The following GRHL1 variants were observed in gnomAD, a reference collection of about 807,000 sequenced individuals.
GRHL1 encodes grainyhead like transcription factor 1, also known as grainyhead-like protein 1 homolog.
GRHL1 carries 38 observed loss-of-function variants against 75.7 expected under a neutral mutation model. The observed-to-expected ratio is 0.50, with a 90% confidence interval of 0.39 to 0.66. GRHL1 has a LOEUF of 0.66. Ranked by LOEUF, GRHL1 falls within the 30% of genes least tolerant of loss-of-function variation. The probability of loss-of-function intolerance (pLI) is 0.00; values close to 1 mark genes in which losing one functional copy is unlikely to be tolerated. For missense variants in GRHL1, 589 were observed against 767.5 expected (o/e 0.77, Z 2.75); for synonymous variants, 266 against 279.4 (o/e 0.95, Z 0.48).
chr2:9,974,792 G>A (rs1667879866), intron 8 of GRHL1, among the ~76,000 whole-genome samples: 1 of 152,202 alleles, frequency 6.6e-6, no homozygotes, highest in Admixed American at 6.5e-5. Context: ...TTCATTGAGC[G>A]AATTGTTCGT....
In GRHL1 at chr2:10,001,270, T is replaced by G. The variant is rs981878966; in HGVS notation, c.*563T>G. 3 of 152,668 alleles carry G rather than the reference T, an allele frequency of 2.0e-5. No individual in the cohort carries two copies. Among genetic ancestry groups the G allele is most frequent in the Non-Finnish European group, 4.4e-5 (3 of 68,058 alleles). 9.5% of individuals were successfully genotyped at this position (152,668 alleles called of 1,614,324 possible). ...CAGGGCATGTTACTGAAATCTTCCT[T>G]TGCGACTTTCTCGGACATATCAACT... On this transcript the variant is annotated 3_prime_UTR_variant, in exon 16 of 16. Transcript: ENST00000324907.
chr2:9,952,824 C>G (rs1263460653), intron 1 of GRHL1: 1 of 293,462 alleles, frequency 3.4e-6, no homozygotes. Flanking sequence ...TGTGAAGGAT[C>G]GGTTTTTGTC....
At chr2:9,959,005 T>C in intron 3 of GRHL1, 149 bp downstream of exon 3, 2 of 1,234,942 alleles carry the variant, frequency 1.6e-6, no homozygotes, top group Non-Finnish European at 2.1e-6. Context: ...ATTTCATCAC[T>C]GATTTGCCTC....
In GRHL1 at chr2:10,001,915, C is replaced by G. The variant is rs904177249; in HGVS notation, c.*1208C>G. The stretch of plus-strand genomic sequence containing the variant: ...TTGATTATCTTGTATGTTAACAATT[C>G]TAGAAAACATTCATGAATTCACAAA... On this transcript the variant is annotated 3_prime_UTR_variant, in exon 16 of 16. Transcript: ENST00000324907. 2 of 152,508 alleles carry G rather than the reference C, an allele frequency of 1.3e-5. No individual in the cohort carries two copies. Among genetic ancestry groups the G allele is most frequent in the African/African-American group, 4.8e-5 (2 of 41,418 alleles). The allele number at this position is 152,508 out of a possible 1,614,324, so 9.4% of individuals were successfully genotyped here.
intron 8 of GRHL1, among the ~76,000 whole-genome samples, chr2:9,984,703 C>T (rs1336472173): frequency 6.6e-6 from 1 of 152,266 alleles, no homozygotes; most frequent in East Asian, 1.9e-4. Context: ...TGCTCAGGCA[C>T]ATGCTAGCAG....
chr2:9,954,586 T>C lies in GRHL1; in HGVS notation c.21-329T>C, dbSNP rs138627901. 3.0e-3 allele frequency among the ~76,000 whole-genome samples: 457 copies of C among 152,314 alleles called. 1 individual carries two copies. Among genetic ancestry groups the C allele is most frequent in the Middle Eastern group, 0.017 (5 of 294 alleles). ...AACAAGTATTCTCTTTTCTTTACTGTGTCCTTGTGTTTGTTTATGGAAAGT... is the reference window on the plus strand; with the variant it reads ...AACAAGTATTCTCTTTTCTTTACTGCGTCCTTGTGTTTGTTTATGGAAAGT... On this transcript the variant is annotated intron_variant, in intron 1 of 15. Coordinates refer to ENST00000324907, the MANE Select transcript of GRHL1 (RefSeq NM_198182.3).
chr2:9,965,384 G>A lies in GRHL1; in HGVS notation c.1110+3G>A. ...GGGACATCAACGATGAAGCAAAGGT[G>A]GGTGGTGAGGTCTGGGCGCCTTATG... is the stretch of plus-strand genomic sequence containing the variant. On this transcript the variant is annotated splice_donor_region_variant and intron_variant, in intron 8 of 15. Transcript: ENST00000324907. 1 of 1,561,660 alleles carries A rather than the reference G, an allele frequency of 6.4e-7. No individual in the cohort carries two copies. The highest frequency in any genetic ancestry group is 2.2e-5 in the East Asian group (1 of 44,616).
At chr2:9,970,776 A>G (rs1298846611) in intron 8 of GRHL1, among the ~76,000 whole-genome samples, 3 of 152,216 alleles carry the variant, frequency 2.0e-5, no homozygotes, top group African/African-American at 4.8e-5. Flanking sequence ...TCTATCAGCT[A>G]TAAGAAGGAA....
chr2:9,991,258 T>C (rs1284505683), intron 10 of GRHL1, among the ~76,000 whole-genome samples: 1 of 152,180 alleles, frequency 6.6e-6, no homozygotes, highest in African/African-American at 2.4e-5. Flanking sequence ...TGACCAGTAT[T>C]CATATTCACA....
intron 2 of GRHL1, among the ~76,000 whole-genome samples, chr2:9,958,174 C>CTTTTTT (rs61051898): frequency 7.6e-6 from 1 of 130,762 alleles, no homozygotes. Context: ...TTCTTTTTTT[C>CTTTTTT]TTTTTTTTTT....
At chr2:9,977,947 T>TGGCGGAA (rs1668019404) in intron 8 of GRHL1, among the ~76,000 whole-genome samples, 1 of 152,288 alleles carries the variant, frequency 6.6e-6, no homozygotes, top group East Asian at 1.9e-4. Context: ...CTCAAAATCA[T>TGGCGGAA]GGCGGAAGGC....
intron 7 of GRHL1, chr2:9,965,055 C>A: frequency 4.8e-6 from 2 of 414,638 alleles, no homozygotes; most frequent in East Asian, 3.6e-5. Context: ...ACTTAAATTT[C>A]CTAATTGTGA....
At chr2:9,998,872 A>ATATG (rs1669128162) in intron 14 of GRHL1, 93 bp from the exon 15 acceptor site, 1 of 219,368 alleles carries the variant, frequency 4.6e-6, no homozygotes, top group Non-Finnish European at 7.6e-6. Context: ...ACGTATATAT[A>ATATG]TGTACACATA....
At chr2:9,974,086 C>G (rs1446503779) in intron 8 of GRHL1, among the ~76,000 whole-genome samples, 2 of 152,264 alleles carry the variant, frequency 1.3e-5, no homozygotes, top group African/African-American at 4.8e-5. Context: ...TTCTCTGGCT[C>G]TCTATCCGTC....
In GRHL1 at chr2:9,990,739, A is replaced by G; in HGVS notation, c.1313A>G (p.Lys438Arg). 6.2e-7 allele frequency: 1 copy of G among 1,612,340 alleles called. No homozygotes were observed. The highest frequency in any genetic ancestry group is 8.5e-7 in the Non-Finnish European group (1 of 1,178,768). Reference sequence around the variant, plus strand: ...AGGGATGAAGAACGAAAGCAAAGCAAAAGAAAAGGCAAGTGTCCTGACCCC... The same window carrying G: ...AGGGATGAAGAACGAAAGCAAAGCAGAAGAAAAGGCAAGTGTCCTGACCCC... ...KIRDEERKQS[K>R]RKVSDVKVPL... Residue 438 changes from lysine to arginine, a missense_variant, in exon 10 of 16, where the codon AAA (lysine) becomes AGA (arginine). Coordinates refer to ENST00000324907, the MANE Select transcript of GRHL1 (RefSeq NM_198182.3). This position sits in a 1 kb window ranked among gnomAD's most constrained non-coding sequence, Gnocchi z 4.2.
intron 8 of GRHL1, among the ~76,000 whole-genome samples, chr2:9,979,169 G>GAAAAAAAAAAAAA (rs1313941842): frequency 4.3e-4 from 32 of 74,808 alleles, no homozygotes; most frequent in African/African-American, 1.1e-3. Flanking sequence ...AAAAAAAAAG[G>GAAAAAAAAAAAAA]AAACCTTATC....
chr2:9,969,922 A>C (rs1667653330), intron 8 of GRHL1, among the ~76,000 whole-genome samples: 1 of 146,278 alleles, frequency 6.8e-6, no homozygotes, highest in Admixed American at 7.1e-5. Context: ...GACTCACTGC[A>C]AGCTCCGCCT....
intron 14 of GRHL1, 24 bp downstream of exon 14, chr2:9,996,425 C>G: frequency 7.2e-7 from 1 of 1,397,514 alleles, no homozygotes; most frequent in Non-Finnish European, 1.0e-6. Context: ...ACTCTGTAAT[C>G]CCCTGTACAA....
At chr2:9,978,883 T>A (rs1668067269) in intron 8 of GRHL1, among the ~76,000 whole-genome samples, 1 of 151,766 alleles carries the variant, frequency 6.6e-6, no homozygotes, top group Admixed American at 6.6e-5. Flanking sequence ...CCCAGCTACA[T>A]GGGAGGCTGA....
Sources: gnomAD v4.1 joint callset for allele counts (sites outside exome capture counted in the v4.1 genomes callset) on GRCh38, gnomAD v4.1.1 for gene constraint, Gnocchi (gnomAD v3.1) non-coding constraint, MANE v1.5 for transcripts, NCBI Gene and HGNC (gene_info 2026-07-23, HGNC 2026-07-21) for gene names.